DSCAML1: variants seen among roughly 807,000 people sequenced by gnomAD.
The protein encoded by DSCAML1 is DS cell adhesion molecule like 1.
DSCAML1 carries 38 observed loss-of-function variants against 200.5 expected under a neutral mutation model. The observed-to-expected ratio is 0.19, with a 90% CI of 0.15 to 0.25. The LOEUF is 0.25. Ranked by LOEUF, DSCAML1 falls within the 10% of genes least tolerant of loss-of-function variation. The probability of loss-of-function intolerance (pLI) is 1.00; values close to 1 mark genes in which losing one functional copy is unlikely to be tolerated. For synonymous variants in DSCAML1, 1,215 were observed against 1,165.0 expected, an observed-to-expected ratio of 1.04 and a Z score of -0.87; for missense variants, 2,223 against 2,858.8, an observed-to-expected ratio of 0.78 and a Z score of 5.07.
At chr11:117,602,621 G>T (rs7933054) in intron 3 of DSCAML1, among the ~76,000 whole-genome samples, 3 of 151,940 alleles carry the variant, frequency 2.0e-5, no homozygotes, top group South Asian at 2.1e-4. Context: ...TCAGCCTCCC[G>T]AAGTGCTGGG....
chr11:117,433,052 A>G (rs2047835307), intron 29 of DSCAML1, 86 bp downstream of exon 29: 1 of 1,189,450 alleles, frequency 8.4e-7, no homozygotes, highest in Non-Finnish European at 1.2e-6. Context: ...GGGCACTGCC[A>G]TGAGGGTTGG....
chr11:117,780,586 C>A lies in DSCAML1; in HGVS notation c.271G>T (p.Ala91Ser). ...TLQLYPFSPS[A>S]FNSFIHDNDY... Reference sequence around the variant, plus strand: ...TTGTCGTGGATAAAGCTATTGAAGGCGGAGGGGGAGAAGGGGTAGAGCTGC... The same window carrying A: ...TTGTCGTGGATAAAGCTATTGAAGGAGGAGGGGGAGAAGGGGTAGAGCTGC... Residue 91 changes from alanine (A) to serine (S), a missense_variant, in exon 2 of 33, where the codon GCC (alanine) becomes TCC (serine). Around this residue, in one of 7 missense-constraint regions of DSCAML1, gnomAD observed 579 missense variants for 721.5 expected, o/e 0.80. Transcript: ENST00000651296. The surrounding 1 kb of genome is among the most constrained non-coding windows in gnomAD (Gnocchi z 4.8). 6.3e-7 allele frequency: 1 copy of A among 1,579,730 alleles called. No homozygotes were observed. Among genetic ancestry groups the A allele is most frequent in the Non-Finnish European group, 8.6e-7 (1 of 1,161,344 alleles).
At chr11:117,759,733 C>T (rs1026331272) in intron 3 of DSCAML1, among the ~76,000 whole-genome samples, 37 of 77,190 alleles carry the variant, frequency 4.8e-4, no homozygotes, top group African/African-American at 1.1e-3. Context: ...CTACAGGGAG[C>T]AGTGAAAAAA....
intron 5 of DSCAML1, among the ~76,000 whole-genome samples, chr11:117,524,044 G>T (rs1031373884): frequency 1.3e-5 from 2 of 152,222 alleles, no homozygotes; most frequent in African/African-American, 4.8e-5. Context: ...AGAGAGGTGG[G>T]GTAGGGGGAA....
intron 23 of DSCAML1, 40 bp from the exon 24 acceptor site, chr11:117,439,023 A>T: frequency 6.4e-7 from 1 of 1,556,302 alleles, no homozygotes; most frequent in South Asian, 1.2e-5. Flanking sequence ...ACAAGGGCGG[A>T]CCCTGTGATG....
At chr11:117,439,451 C>T (rs200696796) in intron 22 of DSCAML1, 22 bp from the exon 23 acceptor site, 66 of 1,604,382 alleles carry the variant, frequency 4.1e-5, no homozygotes, top group Admixed American at 1.3e-4. Context: ...GAGGATGGGG[C>T]GGGTGGGTCA....
At chr11:117,795,461 T>G (rs1591519052) in intron 1 of DSCAML1, among the ~76,000 whole-genome samples, 3 of 147,142 alleles carry the variant, frequency 2.0e-5, no homozygotes, top group Admixed American at 6.7e-5. Context: ...GGTTCGGGGG[T>G]GGGGCTTGAA....
chr11:117,742,907 G>A (rs1055510283), intron 3 of DSCAML1, among the ~76,000 whole-genome samples: 3 of 152,162 alleles, frequency 2.0e-5, no homozygotes, highest in Non-Finnish European at 2.9e-5. Flanking sequence ...ACATGAGGTC[G>A]CTGGGTTACT....
chr11:117,647,170 A>C (rs574561150), intron 3 of DSCAML1, among the ~76,000 whole-genome samples: 1 of 152,332 alleles, frequency 6.6e-6, no homozygotes, highest in South Asian at 2.1e-4. Context: ...GGCTCACATG[A>C]GGCAAGAGTC....
intron 3 of DSCAML1, among the ~76,000 whole-genome samples, chr11:117,759,180 G>A (rs1054866649): frequency 1.3e-5 from 2 of 152,222 alleles, no homozygotes; most frequent in South Asian, 2.1e-4. Flanking sequence ...TGTGAGTGGC[G>A]TCTATAAGAA....
At chr11:117,718,672 C>T (rs1373293997) in intron 3 of DSCAML1, among the ~76,000 whole-genome samples, 3 of 59,760 alleles carry the variant, frequency 5.0e-5, no homozygotes, top group Non-Finnish European at 7.7e-5. Flanking sequence ...CTCAAAACCC[C>T]CCCCCCCCCC....
Position 117,469,662 on chromosome 11 carries a change from G to T in DSCAML1, c.3024+248C>A, listed in dbSNP as rs113638575. ...CCCTCCTTGGCACTGCAAGTTTTTC[G>T]TTCCACCCCAGGCAGAGCCTCCATC... On this transcript the variant is annotated intron_variant, in intron 16 of 32. Coordinates refer to ENST00000651296, the MANE Select transcript of DSCAML1 (RefSeq NM_020693.4). This position sits in a 1 kb window ranked among gnomAD's most constrained non-coding sequence, Gnocchi z 4.1. Among the ~76,000 whole-genome samples, 1 of 151,918 alleles carries T rather than the reference G, an allele frequency of 6.6e-6. No individual in the cohort carries two copies. Among genetic ancestry groups the T allele is most frequent in the Admixed American group, 6.6e-5 (1 of 15,258 alleles).
intron 17 of DSCAML1, 104 bp from the exon 18 acceptor site, chr11:117,461,700 C>G (rs1433369135): frequency 8.6e-7 from 1 of 1,158,692 alleles, no homozygotes; most frequent in Admixed American, 2.1e-5. Context: ...ACCAGAGGAG[C>G]GTCCAGTTAG....
At chr11:117,749,736 C>T (rs1362019275) in intron 3 of DSCAML1, among the ~76,000 whole-genome samples, 9 of 152,204 alleles carry the variant, frequency 5.9e-5, no homozygotes, top group East Asian at 1.9e-4. Context: ...TGAGCTGAAT[C>T]GCAGGCAGTG....
chr11:117,773,882 C>A (rs149415750), intron 3 of DSCAML1, among the ~76,000 whole-genome samples: 46 of 152,220 alleles, frequency 3.0e-4, no homozygotes. Context: ...TTCTCCAATG[C>A]CAAACTAAAG....
chr11:117,570,780 T>C (rs657137), intron 3 of DSCAML1, among the ~76,000 whole-genome samples: 99,186 of 152,144 alleles, frequency 0.65, 32,575 homozygotes, highest in Middle Eastern at 0.71. Flanking sequence ...CAGGGGCCAC[T>C]GAGGGTCATG....
intron 3 of DSCAML1, among the ~76,000 whole-genome samples, chr11:117,665,885 C>T (rs1405501531): frequency 3.9e-5 from 6 of 152,230 alleles, no homozygotes; most frequent in Admixed American, 6.5e-5. Flanking sequence ...GCCCAACCTC[C>T]TCATTTCCCA....
chr11:117,533,624 C>T (rs372286936), intron 3 of DSCAML1, among the ~76,000 whole-genome samples: 1 of 152,212 alleles, frequency 6.6e-6, no homozygotes, highest in South Asian at 2.1e-4. Flanking sequence ...TCTGCCCCGA[C>T]TGTTGGGACC....
Position 117,464,989 on chromosome 11 carries a change from C to G in DSCAML1, c.3218G>C (p.Gly1073Ala). 6.2e-7 allele frequency: 1 copy of G among 1,614,088 alleles called. No individual in the cohort carries two copies. The highest frequency in any genetic ancestry group is 1.1e-5 in the South Asian group (1 of 91,076). Residue 1073 changes from glycine (G) to alanine (A), a missense_variant, in exon 17 of 33, where the codon GGC becomes GCC. Gly to Ala is a moderately conservative substitution (Grantham distance 60, BLOSUM62 0). Coordinates refer to ENST00000651296, the MANE Select transcript of DSCAML1 (RefSeq NM_020693.4). ...GVVVQAFNRA[G>A]TGPSSSEINA... ...GATCTCGCTGGAAGAGGGCCCCGTGCCAGCCCGATTGAAGGCTTGGACCAC... is the reference window on the plus strand; with the variant it reads ...GATCTCGCTGGAAGAGGGCCCCGTGGCAGCCCGATTGAAGGCTTGGACCAC...
Sources: gnomAD v4.1 joint callset for allele counts (sites outside exome capture counted in the v4.1 genomes callset) on GRCh38, gnomAD v4.1.1 for gene constraint, gnomAD v4.1.1 regional missense constraint, Gnocchi (gnomAD v3.1) non-coding constraint, MANE v1.5 for transcripts, NCBI Gene and HGNC (gene_info 2026-07-23, HGNC 2026-07-21) for gene names.